The following ZNF717 variants were observed in gnomAD, a reference collection of about 807,000 sequenced individuals.
ZNF717 encodes zinc finger protein 717, also known as krueppel-like factor X17.
Under a neutral mutation model 13.8 loss-of-function variants are expected in ZNF717, and 9 were observed. The ratio of observed to expected loss-of-function variants is 0.65; its 90% CI spans 0.39 to 1.14. The LOEUF (loss-of-function observed/expected upper bound fraction) is 1.14, where lower values mean the gene tolerates loss of function less well. ZNF717 is among the 50% of genes most tolerant of loss of function. ZNF717 has a pLI of 0.01. For synonymous variants in ZNF717, 327 were observed against 364.1 expected, an observed-to-expected ratio of 0.90 and a Z score of 1.16; for missense variants, 1,040 against 1,080.7, an observed-to-expected ratio of 0.96 and a Z score of 0.53.
intron 2 of ZNF717, among the ~76,000 whole-genome samples, chr3:75,748,173 A>G (rs1941350612): frequency 6.6e-6 from 1 of 152,096 alleles, no homozygotes; most frequent in Non-Finnish European, 1.5e-5. Context: ...TAGACCAATA[A>G]CAGGCTCTGA....
chr3:75,700,752 C>T (rs1259816599), intron 6 of ZNF717, among the ~76,000 whole-genome samples: 99 of 152,334 alleles, frequency 6.5e-4, no homozygotes, highest in African/African-American at 2.0e-3. Flanking sequence ...AAGAATAAAA[C>T]GAGAATCCTA....
chr3:75,759,174 G>A (rs1375684886), intron 2 of ZNF717, among the ~76,000 whole-genome samples: 2 of 151,894 alleles, frequency 1.3e-5, no homozygotes, highest in Non-Finnish European at 2.9e-5. Context: ...TTATTGCAGT[G>A]GTCTGGAACC....
chr3:75,737,486 T>A lies in ZNF717; in HGVS notation c.2137A>T (p.Ile713Phe), dbSNP rs1234668431. ...ATGCTTCTGAAGATTTGCCTTCTGA[T>A]GAAAGGATTTTCCACATTCATTACA... The part of the protein sequence containing the change: ...MNVMNVENPF[I>F]RRQIFRSIKV... The change falls in exon 5 of 5, where the codon ATC becomes TTC. Residue 713 changes from isoleucine (I) to phenylalanine (F), a missense_variant. Physicochemically the swap from Ile to Phe is conservative, Grantham distance 21. Coordinates refer to ENST00000652011, the MANE Select transcript of ZNF717 (RefSeq NM_001290208.3). 6.4e-7 allele frequency: 1 copy of A among 1,554,600 alleles called. No homozygotes were observed. The highest frequency in any genetic ancestry group is 1.2e-5 in the South Asian group (1 of 84,224).
At chr3:75,770,350 CG>C (rs1246276301) in intron 2 of ZNF717, among the ~76,000 whole-genome samples, 2 of 152,158 alleles carry the variant, frequency 1.3e-5, no homozygotes, top group Non-Finnish European at 2.9e-5. Flanking sequence ...CACCTGAGGT[CG>C]GGAGTTCGAG....
chr3:75,738,190 G>C lies in ZNF717; in HGVS notation c.1433C>G (p.Pro478Arg), dbSNP rs1939737656. 5 of 1,573,936 alleles carry C rather than the reference G, an allele frequency of 3.2e-6. No homozygotes were observed. Among genetic ancestry groups the C allele is most frequent in the Non-Finnish European group, 1.7e-6 (2 of 1,158,998 alleles). Residue 478 changes from proline (P) to arginine (R), a missense_variant, in exon 5 of 5, where the codon CCC becomes CGC. By Grantham distance (103) the Pro-to-Arg change is moderately radical. Coordinates refer to ENST00000652011, the MANE Select transcript of ZNF717 (RefSeq NM_001290208.3). ...LHQRTHTGEK[P>R]YECNECGKTF... ...TTTCCCACATTCATTGCATTCATAG[G>C]GTTTTTCCCCTGTGTGAGTTCTCTG...
At chr3:75,731,201 A>T (rs1316952695), downstream of ZNF717, among the ~76,000 whole-genome samples, 1 of 152,096 alleles carries the variant, frequency 6.6e-6, no homozygotes, top group Non-Finnish European at 1.5e-5. Flanking sequence ...ACATGGCAAA[A>T]CCCCATCTCT....
At chr3:75,721,977 G>C (rs111349135) in intron 4 of ZNF717, among the ~76,000 whole-genome samples, 7,424 of 152,026 alleles carry the variant, frequency 0.049, 597 homozygotes, top group African/African-American at 0.17. Flanking sequence ...GCCGGGTGCG[G>C]TGGCTCACAC....
chr3:75,773,537 G>A (rs1031092220), intron 2 of ZNF717, among the ~76,000 whole-genome samples: 10 of 152,142 alleles, frequency 6.6e-5, no homozygotes, highest in Non-Finnish European at 1.2e-4. Flanking sequence ...GTTTGATACT[G>A]GGTGCCAAGC....
chr3:75,758,032 T>C (rs1942647967), intron 2 of ZNF717, among the ~76,000 whole-genome samples: 1 of 147,818 alleles, frequency 6.8e-6, no homozygotes, highest in Non-Finnish European at 1.5e-5. Flanking sequence ...GCAGGAGAAT[T>C]GCTTGAACTC....
downstream of ZNF717, among the ~76,000 whole-genome samples, chr3:75,727,414 G>A (rs1164439001): frequency 6.6e-6 from 1 of 152,190 alleles, no homozygotes; most frequent in Non-Finnish European, 1.5e-5. Context: ...TTCTTGCAGA[G>A]GGCCTACAGA....
At chr3:75,723,760 T>C (rs1292916174) in intron 4 of ZNF717, among the ~76,000 whole-genome samples, 1 of 152,182 alleles carries the variant, frequency 6.6e-6, no homozygotes, top group African/African-American at 2.4e-5. Flanking sequence ...GACCTTGGTC[T>C]AGCGGTAGCT....
At chr3:75,770,387 C>T (rs1943795380) in intron 2 of ZNF717, among the ~76,000 whole-genome samples, 2 of 152,092 alleles carry the variant, frequency 1.3e-5, no homozygotes, top group African/African-American at 2.4e-5. Context: ...ACAGAGAAAC[C>T]CCATCTCTAC....
intron 6 of ZNF717, among the ~76,000 whole-genome samples, chr3:75,696,989 T>TA (rs1937610933): frequency 1.3e-5 from 2 of 152,202 alleles, no homozygotes; most frequent in African/African-American, 2.4e-5. Context: ...TCTTTAATAA[T>TA]AAAAAACCCT....
downstream of ZNF717, chr3:75,709,613 G>A (rs1306619078): frequency 6.6e-6 from 1 of 152,200 alleles, no homozygotes; most frequent in East Asian, 1.9e-4. Flanking sequence ...AGTAGTTACT[G>A]GGCAGATGTC....
intron 6 of ZNF717, among the ~76,000 whole-genome samples, chr3:75,695,633 A>C (rs1209374030): frequency 6.6e-6 from 1 of 152,294 alleles, no homozygotes; most frequent in African/African-American, 2.4e-5. Context: ...ATTTTCTCTG[A>C]CTACAGGGAA....
At chr3:75,750,633 AGTCTGAGTGTTT>A (rs1941675258) in intron 2 of ZNF717, among the ~76,000 whole-genome samples, 1 of 137,498 alleles carries the variant, frequency 7.3e-6, no homozygotes, top group East Asian at 2.3e-4. Context: ...CTGCTGCTGG[AGTCTGAGTGTTT>A]GTCCCTCACA....
At position 75,749,921 on chromosome 3, in the gene ZNF717, G is replaced by T. The variant is rs1243580955; in HGVS notation, c.58-8185C>A. ...CCAGAACACTGCTGTTGGGTTCTGA[G>T]GGTTTGTCCCTCACATAGGATTCCA... On this transcript the variant is annotated intron_variant, in intron 2 of 4. Transcript: ENST00000652011. Among the ~76,000 whole-genome samples, 402 of 144,296 alleles carry T rather than the reference G, an allele frequency of 2.8e-3. 2 individuals are homozygous for T. Among genetic ancestry groups the T allele is most frequent in the African/African-American group, 0.01 (391 of 38,320 alleles). 94.7% of individuals were successfully genotyped at this position (144,296 alleles called of 152,430 possible).
In ZNF717 at chr3:75,783,385, C is replaced by T. The variant is rs1375248404; in HGVS notation, c.-2-21G>A. On this transcript the variant is annotated intron_variant, in intron 1 of 4. Coordinates refer to ENST00000652011, the MANE Select transcript of ZNF717 (RefSeq NM_001290208.3). ...CATAGCTGAGAGAGAAGGCAAATGA[C>T]GTGAATTAAGGAGAGAACTGGTGTG... 3.0e-5 allele frequency: 47 copies of T among 1,547,168 alleles called. No individual in the cohort carries two copies. In the Admixed American group the frequency reaches 6.5e-4, roughly 21 times the overall value.
chr3:75,747,100 C>G (rs3009103), intron 2 of ZNF717, among the ~76,000 whole-genome samples: 126,847 of 151,978 alleles, frequency 0.83, 52,934 homozygotes, highest in East Asian at 0.89. Context: ...AGTTTTCCCA[C>G]CACCATTTGT....
Sources: allele counts gnomAD v4.1 joint callset (sites outside exome capture counted in the v4.1 genomes callset), GRCh38; gene constraint gnomAD v4.1.1; transcripts MANE v1.5; gene names NCBI Gene and HGNC (gene_info 2026-07-23, HGNC 2026-07-21).